PASD1: variants seen among roughly 807,000 people sequenced by gnomAD.
PASD1 encodes PAS domain containing repressor 1.
PASD1 carries 13 observed loss-of-function variants against 58.8 expected under a neutral mutation model. The observed-to-expected ratio is 0.22, with a 90% confidence interval of 0.14 to 0.35. PASD1 has a LOEUF of 0.35. PASD1 is among the 10% of genes least tolerant of loss of function. The probability of loss-of-function intolerance (pLI) is 1.00; values close to 1 mark genes in which losing one functional copy is unlikely to be tolerated. For synonymous variants in PASD1, 236 were observed against 216.7 expected (o/e 1.09, Z -0.78); for missense variants, 734 against 568.3 (o/e 1.29, Z -2.96).
At chrX:151,672,706 T>C in intron 14 of PASD1, 45 bp downstream of exon 14, 2 of 1,190,330 alleles carry the variant, frequency 1.7e-6, no homozygotes, top group Non-Finnish European at 2.3e-6. Flanking sequence ...ATTATTGCTT[T>C]TCCCTCATGG....
At chrX:151,573,175 A>G (rs1329442800) in intron 1 of PASD1, among the ~76,000 whole-genome samples, 1 of 108,087 alleles carries the variant, frequency 9.3e-6, no homozygotes, top group East Asian at 3.0e-4. Flanking sequence ...CTCACTCACT[A>G]TGGAGAAGAC....
Position 151,673,970 on chromosome X carries a change from G to A in PASD1, c.1959G>A (p.Leu653=). 1 of 1,210,405 alleles carries A rather than the reference G, an allele frequency of 8.3e-7. No homozygotes were observed. The highest frequency in any genetic ancestry group is 1.1e-6 in the Non-Finnish European group (1 of 894,304). The change falls in exon 15 of 16, where the codon CTG becomes CTA. Residue 653 remains leucine (L), a synonymous_variant. Coordinates refer to ENST00000370357, the MANE Select transcript of PASD1 (RefSeq NM_173493.3). ...ATCAAGGGCCCCCCGTGAACCAGCTGCCATTGATAGATACCTCAAACTCTG... is the reference window on the plus strand; with the variant it reads ...ATCAAGGGCCCCCCGTGAACCAGCTACCATTGATAGATACCTCAAACTCTG... ...EAYQGPPVNQ[L]PLIDTSNSEA...
rs751464910 is a variant in PASD1, at chrX:151,649,884, GTTC to G, written c.717+1187_717+1189del. Among the ~76,000 whole-genome samples, 385 of 112,048 alleles carry G rather than the reference GTTC, an allele frequency of 3.4e-3. 2 individuals are homozygous for G. Among genetic ancestry groups the G allele is most frequent in the Non-Finnish European group, 5.5e-3 (292 of 53,189 alleles). On this transcript the variant is annotated intron_variant, in intron 9 of 15. Transcript: ENST00000370357. ...GACAGCAGGTCTTTTCAGTATTTAAGTTCTTCTGTAATATGGAGATGCCATGAG... is the reference window on the plus strand; with the variant it reads ...GACAGCAGGTCTTTTCAGTATTTAAGTTCTGTAATATGGAGATGCCATGAG...
At chrX:151,614,335 C>T (rs2013610688) in intron 4 of PASD1, among the ~76,000 whole-genome samples, 1 of 111,144 alleles carries the variant, frequency 9.0e-6, no homozygotes, top group South Asian at 3.9e-4. Context: ...CTCCAAAGGC[C>T]CCACCTCTTA....
intron 8 of PASD1, among the ~76,000 whole-genome samples, chrX:151,626,858 G>A (rs2013795391): frequency 9.0e-6 from 1 of 111,249 alleles, no homozygotes; most frequent in African/African-American, 3.3e-5. Flanking sequence ...GAGTTAAACA[G>A]GAAATATTTG....
chrX:151,672,201 G>A lies in PASD1; in HGVS notation c.1456G>A (p.Glu486Lys), dbSNP rs1470323435. The change falls in exon 14 of 16, where the codon GAA (glutamate) becomes AAA (lysine). Residue 486 changes from glutamate to lysine, a missense_variant. Transcript: ENST00000370357. The stretch of plus-strand genomic sequence containing the variant: ...GATGCAGCAGCAACTGGTGCAGCAA[G>A]AACAACACCTGAAGGAGCAGCAGCG... ...AFNQQQLVQQ[E>K]QHLKEQQRQL... 7 of 1,155,961 alleles carry A rather than the reference G, an allele frequency of 6.1e-6. No homozygotes were observed. Among genetic ancestry groups the A allele is most frequent in the East Asian group, 6.5e-5 (2 of 30,662 alleles).
intron 4 of PASD1, among the ~76,000 whole-genome samples, chrX:151,616,429 A>T (rs373237197): frequency 9.0e-6 from 1 of 110,864 alleles, no homozygotes; most frequent in Non-Finnish European, 1.9e-5. Context: ...GATGCCCATT[A>T]TCATCATGAT....
At position 151,606,557 on chromosome X, in the gene PASD1, C is replaced by A. The variant is rs764816636; in HGVS notation, c.117+1823C>A. ...TAGCCGATTTCATCCTCATAAGAAG[C>A]CTATGATTAACTTAATAATGATGTT... On this transcript the variant is annotated intron_variant, in intron 3 of 15. Transcript: ENST00000370357. 3.6e-5 allele frequency among the ~76,000 whole-genome samples: 4 copies of A among 110,854 alleles called. No homozygotes were observed. In the East Asian group the frequency reaches 1.1e-3, roughly 32 times the overall value.
rs748776303 is a variant in PASD1, at chrX:151,664,288, G to A, written c.1011G>A (p.Leu337=). 2.5e-6 allele frequency: 3 copies of A among 1,211,727 alleles called. No homozygotes were observed. In the South Asian group the frequency reaches 5.3e-5, roughly 21 times the overall value. Residue 337 remains leucine (L), a synonymous_variant, in exon 11 of 16, where the codon CTG becomes CTA. Transcript: ENST00000370357. ...TTGCCCCGTTGGACCAGGCAGGCCTGATGGATCCAGTGGATCCAGAGGACT... is the reference window on the plus strand; with the variant it reads ...TTGCCCCGTTGGACCAGGCAGGCCTAATGGATCCAGTGGATCCAGAGGACT... The part of the protein sequence containing the change: ...NPVAPLDQAG[L]MDPVDPEDSV...
At chrX:151,571,271 G>T (rs1008193952) in intron 1 of PASD1, among the ~76,000 whole-genome samples, 1 of 111,959 alleles carries the variant, frequency 8.9e-6, no homozygotes, top group African/African-American at 3.2e-5. Flanking sequence ...TTGGCATTAT[G>T]CAAAACAACA....
intron 2 of PASD1, 65 bp from the exon 3 acceptor site, chrX:151,604,581 C>A (rs1267421161): frequency 1.3e-6 from 1 of 794,852 alleles, no homozygotes; most frequent in Non-Finnish European, 1.8e-6. Flanking sequence ...TTTGAAAAAT[C>A]TAATACCCAT....
chrX:151,629,445 G>C (rs181497475), intron 8 of PASD1, among the ~76,000 whole-genome samples: 25 of 111,591 alleles, frequency 2.2e-4, no homozygotes, highest in Non-Finnish European at 2.3e-4. Context: ...TGAATCTTCA[G>C]TGTTTTATGT....
chrX:151,666,266 G>T (rs2014378975), intron 11 of PASD1, among the ~76,000 whole-genome samples: 1 of 110,159 alleles, frequency 9.1e-6, no homozygotes, highest in South Asian at 4.0e-4. Flanking sequence ...AGGGCAAATA[G>T]CAATTGTTCC....
chrX:151,630,799 G>A (rs2013857287), intron 8 of PASD1, among the ~76,000 whole-genome samples: 1 of 112,839 alleles, frequency 8.9e-6, no homozygotes, highest in Non-Finnish European at 1.9e-5. Flanking sequence ...TTAGAAGAAA[G>A]GGTGTATTTC....
rs777238974 is a variant in PASD1, at chrX:151,664,105, G to T, written c.842-14G>T. On this transcript the variant is annotated splice_polypyrimidine_tract_variant and intron_variant, in intron 10 of 15. Transcript: ENST00000370357. ...CTTTTTAAGTCATGAACTCCCCTGT[G>T]CTTTCTTCCTCAGCCTTATCCTTGC... 3 of 1,209,661 alleles carry T rather than the reference G, an allele frequency of 2.5e-6. No individual in the cohort carries two copies. The Admixed American group carries it at 6.6e-5, about 26-fold the overall frequency.
chrX:151,669,582 T>C (rs938283716), intron 11 of PASD1, among the ~76,000 whole-genome samples: 6 of 111,149 alleles, frequency 5.4e-5, no homozygotes, highest in African/African-American at 9.8e-5. Context: ...TAACCACCAT[T>C]CTACTCTCCA....
At chrX:151,597,119 CT>C (rs953076504) in intron 1 of PASD1, among the ~76,000 whole-genome samples, 9 of 111,899 alleles carry the variant, frequency 8.0e-5, no homozygotes, top group African/African-American at 2.9e-4. Context: ...TAAAATTTCT[CT>C]TTTTGATGCT....
intron 9 of PASD1, among the ~76,000 whole-genome samples, chrX:151,651,411 C>T (rs2014127006): frequency 8.9e-6 from 1 of 111,791 alleles, no homozygotes; most frequent in Admixed American, 9.5e-5. Context: ...GCACCCAAAT[C>T]CATTGTGTCA....
chrX:151,567,167 G>A (rs1239452283), intron 1 of PASD1, among the ~76,000 whole-genome samples: 5 of 111,332 alleles, frequency 4.5e-5, no homozygotes, highest in Admixed American at 1.9e-4. Context: ...GGGATGCTCC[G>A]CCATACGTAC....
Sources: allele counts gnomAD v4.1 joint callset (sites outside exome capture counted in the v4.1 genomes callset), GRCh38; gene constraint gnomAD v4.1.1; transcripts MANE v1.5; gene names NCBI Gene and HGNC (gene_info 2026-07-23, HGNC 2026-07-21).